IGSF9B: variants seen among roughly 807,000 people sequenced by gnomAD.
IGSF9B encodes the protein protein turtle homolog B.
Under a neutral mutation model 143.7 loss-of-function variants are expected in IGSF9B, and 48 were observed. The observed-to-expected ratio is 0.33, with a 90% CI of 0.26 to 0.42. The LOEUF (loss-of-function observed/expected upper bound fraction) is 0.42, where lower values mean the gene tolerates loss of function less well. Among genes scored for constraint, IGSF9B ranks in the 20% least tolerant of loss-of-function variants. The pLI is 1.00. For missense variants in IGSF9B, 1,706 were observed against 1,980.0 expected (o/e 0.86, Z 2.63); for synonymous variants, 903 against 833.1 (o/e 1.08, Z -1.44).
chr11:133,918,284 G>A (rs994870710), intron 18 of IGSF9B, among the ~76,000 whole-genome samples: 2 of 150,504 alleles, frequency 1.3e-5, no homozygotes, highest in African/African-American at 2.4e-5. Flanking sequence ...GGCTTGTCTC[G>A]ACAACACTGC....
Position 133,931,107 on chromosome 11 carries a change from T to A in IGSF9B, c.1396A>T (p.Ser466Cys), listed in dbSNP as rs1265429497. Residue 466 changes from serine to cysteine, a missense_variant, in exon 11 of 20, where the codon AGT becomes TGT. By Grantham distance (112) the Ser-to-Cys change is moderately radical (BLOSUM62 -1). This residue lies in a region of IGSF9B where 238 missense variants were observed against 452.6 expected (regional missense o/e 0.53). Coordinates refer to ENST00000533871, the MANE Select transcript of IGSF9B (RefSeq NM_001277285.4). The surrounding 1 kb of genome is among the most constrained non-coding windows in gnomAD (Gnocchi z 7.7). ...TGCAGGCTCCCACTGGGCAGGGCAC[T>A]GTGCTTGCTTCTGCTGGGCTTCCCT... ...KVGKPSRSKHSALPSGSLQFR... is the reference protein window; with the variant it reads ...KVGKPSRSKHCALPSGSLQFR... The A allele has an allele frequency of 6.2e-7, 1 of 1,613,334 alleles. No homozygotes were observed. Among genetic ancestry groups the A allele is most frequent in the East Asian group, 2.2e-5 (1 of 44,850 alleles).
At position 133,927,089 on chromosome 11, in the gene IGSF9B, A is replaced by G; in HGVS notation, c.1634T>C (p.Met545Thr). The change falls in exon 13 of 20, where the codon ATG (methionine) becomes ACG (threonine). Residue 545 changes from methionine (M) to threonine (T), a missense_variant and splice_region_variant. Transcript: ENST00000533871. ...ATGGGGCCCAAACTGTGCCCGCTTC[A>G]TCCTGGCCAAAAGAGAGAGACAGGA... The part of the protein sequence containing the change: ...GGYEQTFSVW[M>T]KRAQFGPHDW... 6.4e-7 allele frequency: 1 copy of G among 1,550,788 alleles called. No individual in the cohort carries two copies.
In IGSF9B at chr11:133,931,284, T is replaced by C. The variant is rs1939723639; in HGVS notation, c.1369-150A>G. 5.2e-6 allele frequency: 5 copies of C among 958,054 alleles called. No homozygotes were observed. The South Asian group carries it at 8.0e-5, about 15-fold the overall frequency. The allele number at this position is 958,054 out of a possible 1,614,324, so 59.3% of individuals were successfully genotyped here. A position where few individuals can be genotyped will look rare whatever the true frequency, so the allele number is the denominator to read the frequency against. ...CTGCCGCTCTTCAGGGTCAGCTCAC[T>C]GCTCGGCATCTAGCCTGGTCAGGGC... On this transcript the variant is annotated intron_variant, in intron 10 of 19. Coordinates refer to ENST00000533871, the MANE Select transcript of IGSF9B (RefSeq NM_001277285.4). The surrounding 1 kb of genome is among the most constrained non-coding windows in gnomAD (Gnocchi z 7.7).
chr11:133,929,522 G>A, intron 12 of IGSF9B, 149 bp downstream of exon 12: 1 of 618,666 alleles, frequency 1.6e-6, no homozygotes, highest in South Asian at 1.9e-5. Context: ...CCTCATCACT[G>A]TCTCAACCCA....
chr11:133,922,358 T>C, intron 16 of IGSF9B, 136 bp from the exon 17 acceptor site: 1 of 955,852 alleles, frequency 1.0e-6, no homozygotes, highest in South Asian at 1.5e-5. Context: ...CTTTGGCCCC[T>C]GCCTTCATGC....
At chr11:133,925,684 G>T in intron 14 of IGSF9B, 55 bp downstream of exon 14, 1 of 1,487,666 alleles carries the variant, frequency 6.7e-7, no homozygotes, top group Non-Finnish European at 9.2e-7. Context: ...TGCCTCTAGA[G>T]TCTTGTCGCT....
intron 15 of IGSF9B, among the ~76,000 whole-genome samples, chr11:133,923,694 C>T (rs1345651711): frequency 6.6e-6 from 1 of 152,248 alleles, no homozygotes; most frequent in Non-Finnish European, 1.5e-5. Context: ...ATGAAAGCTA[C>T]AGCCTTTGGA....
At chr11:133,935,245 A>G (rs1201597090) in intron 7 of IGSF9B, among the ~76,000 whole-genome samples, 6 of 152,242 alleles carry the variant, frequency 3.9e-5, no homozygotes, top group Admixed American at 2.0e-4. Flanking sequence ...GCTATGCTCC[A>G]TAAGACACCT....
At chr11:133,917,603 G>C (rs1315240698) in intron 18 of IGSF9B, among the ~76,000 whole-genome samples, 2 of 152,146 alleles carry the variant, frequency 1.3e-5, no homozygotes, top group Non-Finnish European at 1.5e-5. Flanking sequence ...AGGTCAGGCT[G>C]CAGAAGGCAA....
In IGSF9B at chr11:133,956,919, G is replaced by C. The variant is rs1293841682; in HGVS notation, c.-165C>G. The C allele has an allele frequency of 2.6e-6, 1 of 390,028 alleles. No individual in the cohort carries two copies. The highest frequency in any genetic ancestry group is 4.6e-6 in the Non-Finnish European group (1 of 218,468). 24.2% of individuals were successfully genotyped at this position (390,028 alleles called of 1,614,324 possible). On this transcript the variant is annotated 5_prime_UTR_variant, in exon 1 of 20. Transcript: ENST00000533871. ...CAGCTCTCCATCCCTCCTAGGCTCCGCTCGGCTCGGCGCGCGCCTCCCCGG... is the reference window on the plus strand; with the variant it reads ...CAGCTCTCCATCCCTCCTAGGCTCCCCTCGGCTCGGCGCGCGCCTCCCCGG...
rs554600502 is a variant in IGSF9B, at chr11:133,913,386, T to C, written c.3984-1379A>G. Among the ~76,000 whole-genome samples, 2 of 152,128 alleles carry C rather than the reference T, an allele frequency of 1.3e-5. No homozygotes were observed. The highest frequency in any genetic ancestry group is 4.2e-4 in the South Asian group (2 of 4,814). On this transcript the variant is annotated intron_variant, in intron 18 of 19. Coordinates refer to ENST00000533871, the MANE Select transcript of IGSF9B (RefSeq NM_001277285.4). This position sits in a 1 kb window ranked among gnomAD's most constrained non-coding sequence, Gnocchi z 4.6. ...AGTCTCTTCTCCCCAGCATCAAATA[T>C]GTTGGCAGCAAGGCGGGAAGAGGAG...
At chr11:133,951,163 A>AAAGG in intron 1 of IGSF9B, among the ~76,000 whole-genome samples, 1 of 152,268 alleles carries the variant, frequency 6.6e-6, no homozygotes, top group Middle Eastern at 3.4e-3. Flanking sequence ...GAACACCCAG[A>AAAGG]AAGGACGAGG....
chr11:133,912,920 A>G (rs1295416508), intron 18 of IGSF9B, among the ~76,000 whole-genome samples: 1 of 152,196 alleles, frequency 6.6e-6, no homozygotes, highest in Non-Finnish European at 1.5e-5. Flanking sequence ...GCCCAGGTAC[A>G]CAAGGGAGCC....
chr11:133,922,988 C>T (rs60480635), intron 15 of IGSF9B, among the ~76,000 whole-genome samples: 5,030 of 152,312 alleles, frequency 0.033, 248 homozygotes, highest in African/African-American at 0.11. Context: ...GGGATAATGA[C>T]TTCAAGAGTA....
chr11:133,940,295 T>C (rs1591722218), intron 3 of IGSF9B, among the ~76,000 whole-genome samples: 1 of 95,276 alleles, frequency 1.0e-5, no homozygotes, highest in Admixed American at 1.3e-4. Flanking sequence ...ACCTCGCACG[T>C]CCTCGCACGC....
intron 3 of IGSF9B, among the ~76,000 whole-genome samples, chr11:133,943,236 C>A (rs965074801): frequency 5.3e-5 from 8 of 152,208 alleles, no homozygotes; most frequent in Non-Finnish European, 1.2e-4. Context: ...TGCCACACAA[C>A]GGTGGCTAGA....
intron 7 of IGSF9B, among the ~76,000 whole-genome samples, chr11:133,933,216 G>A (rs953684395): frequency 1.3e-5 from 2 of 152,178 alleles, no homozygotes; most frequent in Admixed American, 1.3e-4. Flanking sequence ...TCCTCTCAAT[G>A]TCCATTTCTC....
intron 3 of IGSF9B, among the ~76,000 whole-genome samples, chr11:133,938,619 C>T (rs1351390953): frequency 6.6e-6 from 1 of 152,218 alleles, no homozygotes; most frequent in East Asian, 1.9e-4. Context: ...TTCACAGACT[C>T]AGTCCCATTT....
chr11:133,898,448 G>A lies in IGSF9B; in HGVS notation c.*10621C>T, dbSNP rs1939058966. Reference sequence around the variant, plus strand: ...TAAAACTTGCCCCCAGGTGTGCGATGGGAGAATTCTATCCTGCATGATCAA... The same window carrying A: ...TAAAACTTGCCCCCAGGTGTGCGATAGGAGAATTCTATCCTGCATGATCAA... On this transcript the variant is annotated 3_prime_UTR_variant, in exon 20 of 20. Coordinates refer to ENST00000533871, the MANE Select transcript of IGSF9B (RefSeq NM_001277285.4). 1 of 154,324 alleles carries A rather than the reference G, an allele frequency of 6.5e-6. No individual in the cohort carries two copies. 9.6% of individuals were successfully genotyped at this position (154,324 alleles called of 1,614,324 possible).
Sources: allele counts gnomAD v4.1 joint callset (sites outside exome capture counted in the v4.1 genomes callset), GRCh38; gene constraint gnomAD v4.1.1; regional missense constraint gnomAD v4.1.1; non-coding constraint Gnocchi (gnomAD v3.1); transcripts MANE v1.5; gene names NCBI Gene and HGNC (gene_info 2026-07-23, HGNC 2026-07-21).